Variants in MRGBP observed in about 807,000 individuals in gnomAD.
MRGBP encodes MRG domain binding protein.
Under a neutral mutation model 21.5 loss-of-function variants are expected in MRGBP, and 5 were observed. The ratio of observed to expected loss-of-function variants is 0.23; its 90% confidence interval spans 0.12 to 0.49. The LOEUF (loss-of-function observed/expected upper bound fraction) is 0.49, where lower values mean the gene tolerates loss of function less well. Ranked by LOEUF, MRGBP falls within the 20% of genes least tolerant of loss-of-function variation. The probability of loss-of-function intolerance (pLI) is 0.98; values close to 1 mark genes in which losing one functional copy is unlikely to be tolerated. For missense variants in MRGBP, 227 were observed against 277.4 expected, an observed-to-expected ratio of 0.82 and a Z score of 1.29; for synonymous variants, 118 against 104.4, an observed-to-expected ratio of 1.13 and a Z score of -0.79.
rs763019944 is a variant in MRGBP, at chr20:62,798,618, C to G, written c.302C>G (p.Pro101Arg). Residue 101 changes from proline to arginine, a missense_variant, in exon 3 of 5, where the codon CCA becomes CGA. By Grantham distance (103) the Pro-to-Arg change is moderately radical. Around this residue, in one of 2 missense-constraint regions of MRGBP, gnomAD observed 162 missense variants for 227.7 expected, o/e 0.71. Coordinates refer to ENST00000370487, the MANE Select transcript of MRGBP (RefSeq NM_018270.6). ...TCTGAGATTCTTCCATTCCCGAATC[C>G]AGAGAGGAACTTCGTCCTTCCAGAA... The part of the protein sequence containing the change: ...HESEILPFPN[P>R]ERNFVLPEEI... The G allele has an allele frequency of 6.2e-7, 1 of 1,613,712 alleles. No homozygotes were observed. The highest frequency in any genetic ancestry group is 8.5e-7 in the Non-Finnish European group (1 of 1,179,866).
Position 62,801,408 on chromosome 20 carries a change from G to C in MRGBP, c.*1765G>C, listed in dbSNP as rs1990461308. On this transcript the variant is annotated 3_prime_UTR_variant, in exon 5 of 5. Coordinates refer to ENST00000370487, the MANE Select transcript of MRGBP (RefSeq NM_018270.6). ...CACAGCACAAATACTCAGCCCTGCA[G>C]CCAGGGAAGGGTGGGGTCTCCCTTT... 1 of 152,442 alleles carries C rather than the reference G, an allele frequency of 6.6e-6. No homozygotes were observed. Among genetic ancestry groups the C allele is most frequent in the Non-Finnish European group, 1.5e-5 (1 of 68,196 alleles). 9.4% of individuals were successfully genotyped at this position (152,442 alleles called of 1,614,324 possible). A position where few individuals can be genotyped will look rare whatever the true frequency, so the allele number is the denominator to read the frequency against.
At position 62,799,547 on chromosome 20, in the gene MRGBP, C is replaced by T. The variant is rs149045328; in HGVS notation, c.519C>T (p.Gly173=). Residue 173 remains glycine, a synonymous_variant, in exon 5 of 5, where the codon GGC becomes GGT. Transcript: ENST00000370487. ...CCTCAGACTTGGGGTGCAAAGAAGG[C>T]GCAGACAAGCGGAAGCGCAGCCGGG... ...KNSSDLGCKE[G]ADKRKRSRVT... The T allele has an allele frequency of 7.8e-5, 126 of 1,613,882 alleles. 1 individual carries two copies. The highest frequency in any genetic ancestry group is 6.0e-4 in the African/African-American group (45 of 75,056).
intron 1 of MRGBP, 112 bp downstream of exon 1, chr20:62,796,783 C>G (rs1990344903): frequency 2.2e-5 from 23 of 1,069,108 alleles, no homozygotes; most frequent in Non-Finnish European, 2.7e-5. Flanking sequence ...GAGCCCGGGC[C>G]GTGACACCGC....
chr20:62,798,544 C>A, intron 2 of MRGBP, 43 bp from the exon 3 acceptor site: 2 of 1,556,336 alleles, frequency 1.3e-6, no homozygotes, highest in Non-Finnish European at 1.8e-6. Flanking sequence ...GAAACTGCAT[C>A]TTCACCCTTG....
chr20:62,799,593 G>T lies in MRGBP; in HGVS notation c.565G>T (p.Ala189Ser), dbSNP rs780471228. The change falls in exon 5 of 5, where the codon GCA becomes TCA. Residue 189 changes from alanine (A) to serine (S), a missense_variant. By Grantham distance (99) the Ala-to-Ser change is moderately conservative. Transcript: ENST00000370487. ...RSRVTDKVLT[A>S]NSNPSSPSAA... ...CCGGGTCACCGACAAAGTCCTGACC[G>T]CAAACAGCAACCCTTCCAGTCCCAG... The T allele has an allele frequency of 3.7e-6, 6 of 1,613,598 alleles. No individual in the cohort carries two copies. Among genetic ancestry groups the T allele is most frequent in the Non-Finnish European group, 4.2e-6 (5 of 1,179,988 alleles).
rs1600766276 is a variant in MRGBP, at chr20:62,800,391, G to C, written c.*748G>C. ...TTTTCTGAGATGTTTTGCTTTAAGA[G>C]ATACTTTTTGCTCAGTTTTTATATG... On this transcript the variant is annotated 3_prime_UTR_variant, in exon 5 of 5. Transcript: ENST00000370487. 1 of 152,516 alleles carries C rather than the reference G, an allele frequency of 6.6e-6. No individual in the cohort carries two copies. The highest frequency in any genetic ancestry group is 2.4e-5 in the African/African-American group (1 of 41,442). 9.4% of individuals were successfully genotyped at this position (152,516 alleles called of 1,614,324 possible). A position where few individuals can be genotyped will look rare whatever the true frequency, so the allele number is the denominator to read the frequency against.
chr20:62,799,344 C>T lies in MRGBP; in HGVS notation c.428-112C>T, dbSNP rs571176054. 74 of 1,222,420 alleles carry T rather than the reference C, an allele frequency of 6.1e-5. No individual in the cohort carries two copies. The East Asian group carries it at 1.6e-3, about 27-fold the overall frequency. The allele number at this position is 1,222,420 out of a possible 1,614,324, so 75.7% of individuals were successfully genotyped here. ...AAGGGGCTCCCAGCTCAGGAGGAAG[C>T]TTTGGGTTCAGAGGGTCACGTGTCA... On this transcript the variant is annotated intron_variant, in intron 4 of 4. Transcript: ENST00000370487.
intron 4 of MRGBP, 100 bp downstream of exon 4, chr20:62,799,149 G>A: frequency 2.3e-6 from 3 of 1,279,422 alleles, no homozygotes; most frequent in Non-Finnish European, 3.3e-6. Context: ...AGCCTGCGGT[G>A]CAGAGGCCCC....
chr20:62,798,539 T>G (rs748897215), intron 2 of MRGBP, 48 bp from the exon 3 acceptor site: 1 of 1,525,638 alleles, frequency 6.6e-7, no homozygotes, highest in Admixed American at 1.7e-5. Context: ...TTCTTGAAAC[T>G]GCATCTTCAC....
In MRGBP at chr20:62,799,914, G is replaced by A. The variant is rs532307785; in HGVS notation, c.*271G>A. ...TCTGAAGCCTAGTTCTGTCTTCTCT[G>A]GAGCAGCTGTGGCTTCCCCGTGGCT... On this transcript the variant is annotated 3_prime_UTR_variant, in exon 5 of 5. Transcript: ENST00000370487. The A allele has an allele frequency of 1.3e-5, 5 of 393,854 alleles. No individual in the cohort carries two copies. The highest frequency in any genetic ancestry group is 8.1e-5 in the African/African-American group (4 of 49,636). 24.4% of individuals were successfully genotyped at this position (393,854 alleles called of 1,614,324 possible).
chr20:62,799,372 A>C, intron 4 of MRGBP, 84 bp from the exon 5 acceptor site: 1 of 1,418,426 alleles, frequency 7.1e-7, no homozygotes, highest in Non-Finnish European at 9.6e-7. Flanking sequence ...ACGTGTCAGT[A>C]TGCAGATTTT....
rs1296916335 is a variant in MRGBP, at chr20:62,800,682, T to C, written c.*1039T>C. 6.6e-6 allele frequency: 1 copy of C among 152,266 alleles called. No individual in the cohort carries two copies. The highest frequency in any genetic ancestry group is 2.4e-5 in the African/African-American group (1 of 41,460). 9.4% of individuals were successfully genotyped at this position (152,266 alleles called of 1,614,324 possible). ...TTTTCCAAGATTTATAACTAAAGCA[T>C]ACACTTAGATGACTTATTAACATTC... is the stretch of plus-strand genomic sequence containing the variant. On this transcript the variant is annotated 3_prime_UTR_variant, in exon 5 of 5. Coordinates refer to ENST00000370487, the MANE Select transcript of MRGBP (RefSeq NM_018270.6).
Position 62,800,584 on chromosome 20 carries a change from A to C in MRGBP, c.*941A>C, listed in dbSNP as rs1990437671. On this transcript the variant is annotated 3_prime_UTR_variant, in exon 5 of 5. Transcript: ENST00000370487. ...TGTGACTGCGAACATTAAAGCACAA[A>C]AAAATCCAACCTGGAGTTGTGTGAT... 1 of 152,264 alleles carries C rather than the reference A, an allele frequency of 6.6e-6. No individual in the cohort carries two copies. The allele number at this position is 152,264 out of a possible 1,614,324, so 9.4% of individuals were successfully genotyped here.
rs767307186 is a variant in MRGBP at position 62,799,548 on chromosome 20, G to A, written c.520G>A (p.Ala174Thr). Reference protein sequence around the residue: ...NSSDLGCKEGADKRKRSRVTD... With the variant: ...NSSDLGCKEGTDKRKRSRVTD... ...CTCAGACTTGGGGTGCAAAGAAGGC[G>A]CAGACAAGCGGAAGCGCAGCCGGGT... The change falls in exon 5 of 5, where the codon GCA becomes ACA. Residue 174 changes from alanine (A) to threonine (T), a missense_variant. Around this residue, in one of 2 missense-constraint regions of MRGBP, gnomAD observed 162 missense variants for 227.7 expected, o/e 0.71. Transcript: ENST00000370487. The A allele has an allele frequency of 1.9e-5, 31 of 1,613,890 alleles. No homozygotes were observed. The highest frequency in any genetic ancestry group is 1.7e-4 in the Middle Eastern group (1 of 6,060).
chr20:62,796,519 C>A lies in MRGBP; in HGVS notation c.-5C>A. On this transcript the variant is annotated 5_prime_UTR_variant, in exon 1 of 5. Coordinates refer to ENST00000370487, the MANE Select transcript of MRGBP (RefSeq NM_018270.6). ...GGGGGCTCCTTGCTCGGCCGGGCCG[C>A]GGCCATGGGAGAGGCCGAGGTGGGC... 1 of 1,149,168 alleles carries A rather than the reference C, an allele frequency of 8.7e-7. No individual in the cohort carries two copies. Among genetic ancestry groups the A allele is most frequent in the Non-Finnish European group, 1.1e-6 (1 of 934,378 alleles). The allele number at this position is 1,149,168 out of a possible 1,614,324, so 71.2% of individuals were successfully genotyped here.
chr20:62,798,122 C>A (rs551033288), intron 2 of MRGBP, among the ~76,000 whole-genome samples: 20 of 152,246 alleles, frequency 1.3e-4, no homozygotes, highest in Non-Finnish European at 2.5e-4. Flanking sequence ...CCAACCGACA[C>A]CCTCGGTGTC....
Position 62,796,504 on chromosome 20 carries a change from T to A in MRGBP, c.-20T>A. ...GCGCCTGCTCCCGCCGGGGGCTCCT[T>A]GCTCGGCCGGGCCGCGGCCATGGGA... On this transcript the variant is annotated 5_prime_UTR_variant, in exon 1 of 5. Transcript: ENST00000370487. The A allele has an allele frequency of 8.8e-7, 1 of 1,132,724 alleles. No individual in the cohort carries two copies. Among genetic ancestry groups the A allele is most frequent in the South Asian group, 4.3e-5 (1 of 23,526 alleles). The allele number at this position is 1,132,724 out of a possible 1,614,324, so 70.2% of individuals were successfully genotyped here.
rs1477715457 is a variant in MRGBP at position 62,798,968 on chromosome 20, T to C, written c.353-7T>C. The C allele has an allele frequency of 6.2e-7, 1 of 1,613,490 alleles. No homozygotes were observed. The highest frequency in any genetic ancestry group is 8.5e-7 in the Non-Finnish European group (1 of 1,179,958). On this transcript the variant is annotated splice_region_variant and splice_polypyrimidine_tract_variant and intron_variant, in intron 3 of 4. Transcript: ENST00000370487. Reference sequence around the variant, plus strand: ...TTTTCGGTGAGCGTCAGCTGTCTCCTCCACAGGAAAAGTGATGATAGAAGA... The same window carrying C: ...TTTTCGGTGAGCGTCAGCTGTCTCCCCCACAGGAAAAGTGATGATAGAAGA...
intron 1 of MRGBP, among the ~76,000 whole-genome samples, chr20:62,796,873 C>T (rs534717361): frequency 8.9e-5 from 12 of 134,628 alleles, no homozygotes; most frequent in African/African-American, 2.8e-4. Context: ...CGACCCCTAC[C>T]CCCGTGAGAC....
Sources: allele counts gnomAD v4.1 joint callset (sites outside exome capture counted in the v4.1 genomes callset), GRCh38; gene constraint gnomAD v4.1.1; regional missense constraint gnomAD v4.1.1; transcripts MANE v1.5; gene names NCBI Gene and HGNC (gene_info 2026-07-23, HGNC 2026-07-21).